The following CNTNAP2 variants were observed in gnomAD, a reference collection of about 807,000 sequenced individuals.
The protein encoded by CNTNAP2 is contactin associated protein 2, also known as contactin-associated protein-like 2.
CNTNAP2 carries 98 observed loss-of-function variants against 155.2 expected under a neutral mutation model. That is an observed-to-expected ratio of 0.63 (90% confidence interval 0.54 to 0.75). The LOEUF (loss-of-function observed/expected upper bound fraction) is 0.75, where lower values mean the gene tolerates loss of function less well. CNTNAP2 is among the 30% of genes least tolerant of loss of function. The pLI is 0.00. For synonymous variants in CNTNAP2, 651 were observed against 631.2 expected (o/e 1.03, Z -0.47); for missense variants, 1,727 against 1,688.1 (o/e 1.02, Z -0.40).
intron 13 of CNTNAP2, among the ~76,000 whole-genome samples, chr7:147,696,371 G>T (rs558881470): frequency 6.6e-6 from 1 of 152,036 alleles, no homozygotes; most frequent in South Asian, 2.1e-4. Flanking sequence ...TTCTTAAGTG[G>T]TTGCCCTAGG....
Position 147,925,312 on chromosome 7 carries a change from A to G in CNTNAP2, c.2255+21591A>G, listed in dbSNP as rs1420690847. Among the ~76,000 whole-genome samples the G allele has an allele frequency of 1.6e-4, 25 of 151,818 alleles. 1 individual carries two copies. In the South Asian group the frequency reaches 3.5e-3, roughly 22 times the overall value. ...CGCGCGCACACACACACACACACACACACACACACACACACACACAGCTTT... is the reference window on the plus strand; with the variant it reads ...CGCGCGCACACACACACACACACACGCACACACACACACACACACAGCTTT... On this transcript the variant is annotated intron_variant, in intron 14 of 23. Coordinates refer to ENST00000361727, the MANE Select transcript of CNTNAP2 (RefSeq NM_014141.6).
At chr7:148,153,852 G>A (rs1805352070) in intron 17 of CNTNAP2, among the ~76,000 whole-genome samples, 1 of 152,228 alleles carries the variant, frequency 6.6e-6, no homozygotes, top group African/African-American at 2.4e-5. Context: ...CAAGCAGGCT[G>A]TTCAGGTCAG....
At chr7:147,380,394 A>C (rs1796515764) in intron 9 of CNTNAP2, among the ~76,000 whole-genome samples, 1 of 152,262 alleles carries the variant, frequency 6.6e-6, no homozygotes, top group African/African-American at 2.4e-5. Flanking sequence ...AACATGTAAA[A>C]CCATCTTATT....
At chr7:147,645,845 A>G (rs1795357234) in intron 13 of CNTNAP2, among the ~76,000 whole-genome samples, 1 of 152,214 alleles carries the variant, frequency 6.6e-6, no homozygotes, top group African/African-American at 2.4e-5. Context: ...ATGGAGATCA[A>G]GAGACACTAA....
intron 1 of CNTNAP2, among the ~76,000 whole-genome samples, chr7:146,434,676 G>A (rs958544461): frequency 6.6e-6 from 1 of 151,912 alleles, no homozygotes; most frequent in African/African-American, 2.4e-5. Context: ...TAATAATAAC[G>A]GCACAATTAT....
chr7:147,803,235 T>C (rs1226723344), intron 13 of CNTNAP2, among the ~76,000 whole-genome samples: 1 of 152,204 alleles, frequency 6.6e-6, no homozygotes, highest in Non-Finnish European at 1.5e-5. Context: ...AAAAACCTTA[T>C]GCCCCCCAAA....
intron 4 of CNTNAP2, among the ~76,000 whole-genome samples, chr7:147,075,369 T>C (rs1812860973): frequency 6.6e-6 from 1 of 152,152 alleles, no homozygotes; most frequent in Admixed American, 6.6e-5. Context: ...TACTCATTTA[T>C]CTAGAACTTA....
At chr7:148,006,374 C>CAGT (rs142201697) in intron 15 of CNTNAP2, among the ~76,000 whole-genome samples, 9,421 of 137,446 alleles carry the variant, frequency 0.069, 694 homozygotes, top group African/African-American at 0.2. Flanking sequence ...GGATGGAGTA[C>CAGT]AGTGGTACAA....
At chr7:147,803,241 C>A (rs922538738) in intron 13 of CNTNAP2, among the ~76,000 whole-genome samples, 2 of 152,144 alleles carry the variant, frequency 1.3e-5, no homozygotes, top group Non-Finnish European at 2.9e-5. Context: ...CTTATGCCCC[C>A]CAAAATGTGA....
chr7:147,625,787 C>T (rs1794959507), intron 12 of CNTNAP2, among the ~76,000 whole-genome samples: 1 of 152,168 alleles, frequency 6.6e-6, no homozygotes, highest in South Asian at 2.1e-4. Context: ...AAGCAGCACA[C>T]TACTACAAAT....
intron 8 of CNTNAP2, among the ~76,000 whole-genome samples, chr7:147,133,740 T>A (rs1801423540): frequency 6.6e-6 from 1 of 152,076 alleles, no homozygotes; most frequent in South Asian, 2.1e-4. Flanking sequence ...CCTGAATGTA[T>A]GGTCTATTAC....
chr7:146,116,984 G>A lies in CNTNAP2; in HGVS notation c.97+11G>A, dbSNP rs1389903880. ...CTCCCTCCACGTCCCGTAAGTAGCC[G>A]TCTCCTCGCTCTGCTCTGGAGCAGT... On this transcript the variant is annotated intron_variant, in intron 1 of 23. Transcript: ENST00000361727. This position sits in a 1 kb window ranked among gnomAD's most constrained non-coding sequence, Gnocchi z 5.5. The A allele has an allele frequency of 6.5e-7, 1 of 1,548,732 alleles. No homozygotes were observed. The highest frequency in any genetic ancestry group is 8.7e-7 in the Non-Finnish European group (1 of 1,145,184).
chr7:147,025,593 G>C (rs987665861), intron 3 of CNTNAP2, among the ~76,000 whole-genome samples: 1 of 151,718 alleles, frequency 6.6e-6, no homozygotes, highest in East Asian at 2.0e-4. Context: ...CACCTCCAAC[G>C]CTGGGAATTA....
At chr7:147,288,236 T>C (rs895442174) in intron 8 of CNTNAP2, among the ~76,000 whole-genome samples, 2 of 152,190 alleles carry the variant, frequency 1.3e-5, no homozygotes, top group African/African-American at 4.8e-5. Context: ...TTATAGCAGT[T>C]ATCACTGTCT....
At chr7:147,078,330 T>G (rs981690455) in intron 4 of CNTNAP2, among the ~76,000 whole-genome samples, 4 of 152,186 alleles carry the variant, frequency 2.6e-5, no homozygotes, top group African/African-American at 9.7e-5. Flanking sequence ...TAGAACAAAT[T>G]CAATACTTTT....
At chr7:147,163,125 A>C (rs1053749931) in intron 8 of CNTNAP2, among the ~76,000 whole-genome samples, 1 of 152,202 alleles carries the variant, frequency 6.6e-6, no homozygotes, top group South Asian at 2.1e-4. Flanking sequence ...CCAGGCTGTT[A>C]TATCTGCAAG....
At chr7:147,317,992 C>G (rs759413084) in intron 9 of CNTNAP2, among the ~76,000 whole-genome samples, 4 of 152,024 alleles carry the variant, frequency 2.6e-5, no homozygotes, top group African/African-American at 9.7e-5. Flanking sequence ...GCAATACTAT[C>G]TCTGATTCGA....
At chr7:148,229,295 G>T (rs928182991) in intron 19 of CNTNAP2, among the ~76,000 whole-genome samples, 3 of 152,196 alleles carry the variant, frequency 2.0e-5, no homozygotes, top group Non-Finnish European at 4.4e-5. Flanking sequence ...AGGCTGAGGC[G>T]AACGGATAGC....
At chr7:147,797,977 A>G (rs17824602) in intron 13 of CNTNAP2, among the ~76,000 whole-genome samples, 2,860 of 152,310 alleles carry the variant, frequency 0.019, 34 homozygotes, top group Non-Finnish European at 0.031. Flanking sequence ...TACTCTGAGT[A>G]CTTTTATATT....
Sources: gnomAD v4.1 joint callset for allele counts (sites outside exome capture counted in the v4.1 genomes callset) on GRCh38, gnomAD v4.1.1 for gene constraint, Gnocchi (gnomAD v3.1) non-coding constraint, MANE v1.5 for transcripts, NCBI Gene and HGNC (gene_info 2026-07-23, HGNC 2026-07-21) for gene names.